HMGA1: variants seen among roughly 807,000 people sequenced by gnomAD.
HMGA1 encodes the protein high mobility group protein HMG-I/HMG-Y.
In HMGA1, 1 loss-of-function variant was observed where a neutral mutation model predicts 15.1. That is an observed-to-expected ratio of 0.07 (90% CI 0.02 to 0.31). HMGA1 has a LOEUF of 0.31. HMGA1 is among the 10% of genes least tolerant of loss of function. The pLI, the probability that HMGA1 is intolerant of heterozygous loss-of-function variation, is 1.00. For missense variants in HMGA1, 94 were observed against 141.4 expected, an observed-to-expected ratio of 0.66 and a Z score of 1.70; for synonymous variants, 56 against 54.8, an observed-to-expected ratio of 1.02 and a Z score of -0.10.
Position 34,244,949 on chromosome 6 carries a change from C to T in HMGA1, c.*65C>T, listed in dbSNP as rs764643694. 1.3e-6 allele frequency: 2 copies of T among 1,547,874 alleles called. No homozygotes were observed. Among genetic ancestry groups the T allele is most frequent in the East Asian group, 2.4e-5 (1 of 40,874 alleles). ...CCTTCTGGGACTGGACAGCTTTGCT[C>T]CGCTCCCACCGCCCCCACCCCTTCC... On this transcript the variant is annotated 3_prime_UTR_variant, in exon 6 of 6. Coordinates refer to ENST00000311487, the MANE Select transcript of HMGA1 (RefSeq NM_145899.3).
chr6:34,241,119 C>G (rs774242507), intron 3 of HMGA1, among the ~76,000 whole-genome samples: 3 of 152,122 alleles, frequency 2.0e-5, no homozygotes, highest in African/African-American at 7.2e-5. Flanking sequence ...AGGAGAGAAC[C>G]GGGGGCCGAG....
At chr6:34,239,589 C>G (rs1016497488) in intron 2 of HMGA1, among the ~76,000 whole-genome samples, 1 of 152,126 alleles carries the variant, frequency 6.6e-6, no homozygotes, top group East Asian at 1.9e-4. Flanking sequence ...GAAGTGGAGC[C>G]GCTTGTCCCA....
chr6:34,242,923 TG>T, intron 4 of HMGA1, 128 bp downstream of exon 4: 1 of 729,538 alleles, frequency 1.4e-6, no homozygotes, highest in Non-Finnish European at 2.5e-6. Flanking sequence ...CCCCCTTCCC[TG>T]GTACAGGGAT....
chr6:34,241,047 CCTCCCACCTGTGTGTA>C, intron 3 of HMGA1, 132 bp downstream of exon 3: 1 of 1,037,012 alleles, frequency 9.6e-7, no homozygotes, highest in Non-Finnish European at 1.5e-6. Flanking sequence ...GTGGGTGTGT[CCTCCCACCTGTGTGTA>C]CTCCTGCCCC....
Position 34,245,624 on chromosome 6 carries a change from C to G in HMGA1, c.*740C>G, listed in dbSNP as rs1230140973. 2 of 1,378,766 alleles carry G rather than the reference C, an allele frequency of 1.5e-6. No individual in the cohort carries two copies. The highest frequency in any genetic ancestry group is 1.9e-6 in the Non-Finnish European group (2 of 1,034,188). The allele number at this position is 1,378,766 out of a possible 1,614,324, so 85.4% of individuals were successfully genotyped here. On this transcript the variant is annotated 3_prime_UTR_variant, in exon 6 of 6. Transcript: ENST00000311487. ...AGTACATATTGTGGTGATGGAGATGCAGTCACTTATTGTCCAGGTGAGGCC... is the reference window on the plus strand; with the variant it reads ...AGTACATATTGTGGTGATGGAGATGGAGTCACTTATTGTCCAGGTGAGGCC...
intron 2 of HMGA1, among the ~76,000 whole-genome samples, chr6:34,239,457 ATTTC>A (rs1336007403): frequency 4.6e-5 from 7 of 151,970 alleles, no homozygotes; most frequent in South Asian, 4.1e-4. Flanking sequence ...TAGAGTGAAG[ATTTC>A]TTTCTATTAT....
Position 34,244,809 on chromosome 6 carries a change from CCAA to C in HMGA1, c.271-17_271-15del, listed in dbSNP as rs1225750746. ...GAGGGGGACCGGGCCAGAGCTCACACCAACAACTGCCCACCTCACAGGAGAAGG... is the reference window on the plus strand; with the variant it reads ...GAGGGGGACCGGGCCAGAGCTCACACCAACTGCCCACCTCACAGGAGAAGG... On this transcript the variant is annotated intron_variant, in intron 5 of 5. Coordinates refer to ENST00000311487, the MANE Select transcript of HMGA1 (RefSeq NM_145899.3). 2.6e-6 allele frequency: 4 copies of C among 1,564,106 alleles called. No homozygotes were observed. Among genetic ancestry groups the C allele is most frequent in the East Asian group, 2.3e-5 (1 of 42,664 alleles).
chr6:34,241,055 C>T (rs1581800188), intron 3 of HMGA1, 140 bp downstream of exon 3: 2 of 951,640 alleles, frequency 2.1e-6, no homozygotes, highest in South Asian at 1.4e-5. Context: ...GTCCTCCCAC[C>T]TGTGTGTACT....
In HMGA1 at chr6:34,240,274, A is replaced by G. The variant is rs572026451; in HGVS notation, c.-44-463A>G. Among the ~76,000 whole-genome samples, 37 of 152,286 alleles carry G rather than the reference A, an allele frequency of 2.4e-4. No individual in the cohort carries two copies. The South Asian group carries it at 4.8e-3, about 20-fold the overall frequency. ...TCAATGTCCATAGCTGCCAGATCGC[A>G]AGGTCTCATTCTTTCCATTTTCCCA... On this transcript the variant is annotated intron_variant, in intron 2 of 5. Coordinates refer to ENST00000311487, the MANE Select transcript of HMGA1 (RefSeq NM_145899.3).
intron 2 of HMGA1, among the ~76,000 whole-genome samples, chr6:34,237,959 G>T (rs1761947689): frequency 6.6e-6 from 1 of 152,138 alleles, no homozygotes; most frequent in Non-Finnish European, 1.5e-5. Context: ...CCCAGGGGCC[G>T]GGCCTGCCCT....
chr6:34,241,082 C>T (rs1388806985), intron 3 of HMGA1, among the ~76,000 whole-genome samples, 167 bp downstream of exon 3: 1 of 152,182 alleles, frequency 6.6e-6, no homozygotes, highest in Non-Finnish European at 1.5e-5. Context: ...CCACTTGCAA[C>T]CCTGGTCAGA....
At chr6:34,244,021 G>A (rs1762513844) in intron 5 of HMGA1, among the ~76,000 whole-genome samples, 1 of 152,008 alleles carries the variant, frequency 6.6e-6, no homozygotes, top group African/African-American at 2.4e-5. Flanking sequence ...ACAGCTGGTG[G>A]AAAGGCTCGG....
intron 2 of HMGA1, among the ~76,000 whole-genome samples, chr6:34,239,423 A>T (rs1319428189): frequency 1.3e-5 from 2 of 152,182 alleles, no homozygotes; most frequent in African/African-American, 4.8e-5. Flanking sequence ...AATCATTTTC[A>T]AATGGTCTAG....
intron 3 of HMGA1, 81 bp downstream of exon 3, chr6:34,240,996 C>G (rs41269026): frequency 1.1e-5 from 16 of 1,501,598 alleles, no homozygotes; most frequent in Non-Finnish European, 1.4e-5. Context: ...GCAGGCGAGA[C>G]CATGCATGGA....
chr6:34,244,547 C>T (rs1460567010), intron 5 of HMGA1, among the ~76,000 whole-genome samples: 1 of 152,216 alleles, frequency 6.6e-6, no homozygotes, highest in Non-Finnish European at 1.5e-5. Flanking sequence ...AAGCTCATTG[C>T]TGCCCTGAGC....
In HMGA1 at chr6:34,245,235, T is replaced by C; in HGVS notation, c.*351T>C. 1.4e-6 allele frequency: 2 copies of C among 1,385,324 alleles called. No individual in the cohort carries two copies. The highest frequency in any genetic ancestry group is 9.5e-7 in the Non-Finnish European group (1 of 1,049,340). 85.8% of individuals were successfully genotyped at this position (1,385,324 alleles called of 1,614,324 possible). Reference sequence around the variant, plus strand: ...CCTTGGTGGTGGGGACATTGCTCTCTGGGCTTTTGGTTTGGGGGCGCCCTC... The same window carrying C: ...CCTTGGTGGTGGGGACATTGCTCTCCGGGCTTTTGGTTTGGGGGCGCCCTC... On this transcript the variant is annotated 3_prime_UTR_variant, in exon 6 of 6. Transcript: ENST00000311487.
rs1427342636 is a variant in HMGA1, at chr6:34,245,663, G to A, written c.*779G>A. 3.0e-5 allele frequency: 39 copies of A among 1,315,488 alleles called. No homozygotes were observed. Among genetic ancestry groups the A allele is most frequent in the Non-Finnish European group, 4.0e-5 (39 of 982,570 alleles). The allele number at this position is 1,315,488 out of a possible 1,614,324, so 81.5% of individuals were successfully genotyped here. A position where few individuals can be genotyped will look rare whatever the true frequency, so the allele number is the denominator to read the frequency against. ...CCAGGTGAGGCCCAAGAGCCCTGTG[G>A]CCGCCACCTGAGGTGGGCTGGGGCT... On this transcript the variant is annotated 3_prime_UTR_variant, in exon 6 of 6. Transcript: ENST00000311487.
intron 2 of HMGA1, among the ~76,000 whole-genome samples, chr6:34,239,881 C>T (rs1466542392): frequency 1.3e-5 from 2 of 152,060 alleles, no homozygotes; most frequent in East Asian, 3.9e-4. Context: ...TTAGGATGAG[C>T]CCTAAACCTC....
chr6:34,243,281 G>T (rs112081775), intron 4 of HMGA1, among the ~76,000 whole-genome samples, 187 bp from the exon 5 acceptor site: 1 of 152,000 alleles, frequency 6.6e-6, no homozygotes, highest in Non-Finnish European at 1.5e-5. Flanking sequence ...AGTAGGGGGC[G>T]TGTGTGTATG....
Sources: allele counts gnomAD v4.1 joint callset (sites outside exome capture counted in the v4.1 genomes callset), GRCh38; gene constraint gnomAD v4.1.1; transcripts MANE v1.5; gene names NCBI Gene and HGNC (gene_info 2026-07-23, HGNC 2026-07-21).